The following GRID2 variants were observed in gnomAD, a reference collection of about 807,000 sequenced individuals.
The protein encoded by GRID2 is glutamate receptor ionotropic, delta-2.
Under a neutral mutation model 114.8 loss-of-function variants are expected in GRID2, and 33 were observed. That is an observed-to-expected ratio of 0.29 (90% CI 0.22 to 0.38). The LOEUF (loss-of-function observed/expected upper bound fraction) is 0.38, where lower values mean the gene tolerates loss of function less well. GRID2 is among the 10% of genes least tolerant of loss of function. The pLI is 1.00. For missense variants in GRID2, 1,184 were observed against 1,257.7 expected (o/e 0.94, Z 0.89); for synonymous variants, 505 against 449.9 (o/e 1.12, Z -1.55).
At chr4:93,513,071 G>T (rs1361213523) in intron 12 of GRID2, among the ~76,000 whole-genome samples, 1 of 152,124 alleles carries the variant, frequency 6.6e-6, no homozygotes, top group Non-Finnish European at 1.5e-5. Context: ...AGTTGAGTTT[G>T]ATTGTTAGTA....
At chr4:93,316,126 C>T (rs1200918307) in intron 8 of GRID2, among the ~76,000 whole-genome samples, 2 of 151,420 alleles carry the variant, frequency 1.3e-5, no homozygotes, top group Non-Finnish European at 2.9e-5. Context: ...GTTTTGGAAG[C>T]TGGAAAGAAC....
intron 4 of GRID2, among the ~76,000 whole-genome samples, chr4:93,177,705 C>G (rs901094948): frequency 2.0e-5 from 3 of 152,044 alleles, no homozygotes; most frequent in Non-Finnish European, 4.4e-5. Flanking sequence ...TAGAATCTGT[C>G]AAATTAAAAC....
chr4:93,036,253 A>T (rs1235297641), intron 2 of GRID2, among the ~76,000 whole-genome samples: 2 of 152,102 alleles, frequency 1.3e-5, no homozygotes, highest in East Asian at 3.9e-4. Flanking sequence ...TTACCTTTAC[A>T]GATGGTAGGA....
At chr4:92,570,964 C>A (rs1727583254) in intron 1 of GRID2, among the ~76,000 whole-genome samples, 1 of 151,998 alleles carries the variant, frequency 6.6e-6, no homozygotes, top group Non-Finnish European at 1.5e-5. Flanking sequence ...ATTGCCCTGG[C>A]TAGAACTTCC....
At chr4:92,671,506 C>T (rs34905965) in intron 2 of GRID2, among the ~76,000 whole-genome samples, 53,723 of 151,938 alleles carry the variant, frequency 0.35, 9,646 homozygotes, top group East Asian at 0.45. Context: ...AATCATGTTA[C>T]TGAACTGGCA....
At chr4:93,227,888 T>A (rs1314815126) in intron 7 of GRID2, among the ~76,000 whole-genome samples, 1 of 152,202 alleles carries the variant, frequency 6.6e-6, no homozygotes, top group Non-Finnish European at 1.5e-5. Context: ...TCTCTCCGTA[T>A]TTTTATGAGT....
At chr4:93,218,367 G>A (rs994300924) in intron 6 of GRID2, among the ~76,000 whole-genome samples, 1 of 151,932 alleles carries the variant, frequency 6.6e-6, no homozygotes, top group African/African-American at 2.4e-5. Flanking sequence ...AGCCAGGTGT[G>A]GTGGTATCCT....
intron 2 of GRID2, among the ~76,000 whole-genome samples, chr4:92,785,126 C>T (rs771763084): frequency 1.8e-4 from 25 of 139,642 alleles, no homozygotes; most frequent in Non-Finnish European, 2.9e-4. Context: ...TGATAAGTCT[C>T]TTAGTACCAC....
chr4:93,353,887 G>C (rs763504500), intron 8 of GRID2, among the ~76,000 whole-genome samples: 1 of 151,902 alleles, frequency 6.6e-6, no homozygotes, highest in African/African-American at 2.4e-5. Flanking sequence ...GCAAGAAAAT[G>C]AGCCCCATGT....
intron 9 of GRID2, among the ~76,000 whole-genome samples, chr4:93,422,533 A>G (rs1768391317): frequency 2.0e-5 from 3 of 152,144 alleles, no homozygotes. Flanking sequence ...TAAGTTTTTT[A>G]GTTACTTTTA....
intron 2 of GRID2, among the ~76,000 whole-genome samples, chr4:92,891,041 C>A (rs763155543): frequency 1.3e-5 from 2 of 152,062 alleles, no homozygotes; most frequent in Non-Finnish European, 2.9e-5. Flanking sequence ...CATGTTCTCA[C>A]TCATAAGTGG....
intron 2 of GRID2, among the ~76,000 whole-genome samples, chr4:92,726,703 T>C (rs566632701): frequency 3.0e-4 from 45 of 152,238 alleles, no homozygotes; most frequent in African/African-American, 1.0e-3. Context: ...AGATAGCCCA[T>C]CTTTTGATAA....
chr4:93,604,697 A>T (rs1740027166), intron 13 of GRID2, among the ~76,000 whole-genome samples: 1 of 152,154 alleles, frequency 6.6e-6, no homozygotes, highest in South Asian at 2.1e-4. Flanking sequence ...TGCCACAGAC[A>T]CTCCAAGCTT....
intron 2 of GRID2, among the ~76,000 whole-genome samples, chr4:93,015,920 A>G (rs529670430): frequency 6.6e-5 from 10 of 152,150 alleles, no homozygotes; most frequent in South Asian, 2.1e-4. Context: ...GCAGATTGCA[A>G]TACAAGATAA....
intron 8 of GRID2, among the ~76,000 whole-genome samples, chr4:93,336,489 G>A (rs554761038): frequency 4.9e-4 from 75 of 152,264 alleles, no homozygotes; most frequent in Non-Finnish European, 8.2e-4. Flanking sequence ...ACTAAAACAA[G>A]CAATGCTTCA....
At chr4:92,435,209 G>T (rs188861105) in intron 1 of GRID2, among the ~76,000 whole-genome samples, 1 of 152,176 alleles carries the variant, frequency 6.6e-6, no homozygotes, top group East Asian at 1.9e-4. Flanking sequence ...TCATTATCAG[G>T]GTTGATAAGA....
intron 2 of GRID2, among the ~76,000 whole-genome samples, chr4:92,697,889 T>C (rs1734495566): frequency 1.3e-5 from 2 of 151,988 alleles, no homozygotes; most frequent in South Asian, 4.1e-4. Flanking sequence ...TAAACTGAGA[T>C]AGCATGAGAG....
At chr4:93,378,316 T>G (rs1269785389) in intron 8 of GRID2, among the ~76,000 whole-genome samples, 4 of 152,122 alleles carry the variant, frequency 2.6e-5, no homozygotes, top group Non-Finnish European at 1.5e-5. Context: ...ATATCAGCAC[T>G]GCTAACAGAT....
At chr4:93,122,945 G>A (rs1010010809) in intron 4 of GRID2, among the ~76,000 whole-genome samples, 11 of 86,502 alleles carry the variant, frequency 1.3e-4, no homozygotes, top group African/African-American at 3.0e-4. Context: ...TTTACTTTGC[G>A]TTTGACCTAA....
Sources: allele counts gnomAD v4.1 joint callset (sites outside exome capture counted in the v4.1 genomes callset), GRCh38; gene constraint gnomAD v4.1.1; transcripts MANE v1.5; gene names NCBI Gene and HGNC (gene_info 2026-07-23, HGNC 2026-07-21).